The following LPP variants were observed in gnomAD, a reference collection of about 807,000 sequenced individuals.
The protein encoded by LPP is LIM domain containing preferred translocation partner in lipoma.
In LPP, 38 loss-of-function variants were observed where a neutral mutation model predicts 60.4. The ratio of observed to expected loss-of-function variants is 0.63; its 90% CI spans 0.49 to 0.83. LPP has a LOEUF of 0.83. LPP is among the 40% of genes least tolerant of loss of function. LPP has a pLI of 0.00. For synonymous variants in LPP, 328 were observed against 290.8 expected, an observed-to-expected ratio of 1.13 and a Z score of -1.30; for missense variants, 902 against 783.6, an observed-to-expected ratio of 1.15 and a Z score of -1.80.
intron 8 of LPP, among the ~76,000 whole-genome samples, chr3:188,713,397 A>AG (rs1712425976): frequency 6.6e-6 from 1 of 152,144 alleles, no homozygotes; most frequent in African/African-American, 2.4e-5. Context: ...ATGAAAAAAA[A>AG]AAAAGCTGTA....
chr3:188,469,791 A>G (rs2149511835), intron 4 of LPP, among the ~76,000 whole-genome samples: 1 of 152,188 alleles, frequency 6.6e-6, no homozygotes, highest in East Asian at 1.9e-4. Context: ...TAAACACTTA[A>G]CTATATTTTA....
At chr3:188,293,371 T>C (rs530851256) in intron 2 of LPP, among the ~76,000 whole-genome samples, 1 of 152,384 alleles carries the variant, frequency 6.6e-6, no homozygotes, top group South Asian at 2.1e-4. Flanking sequence ...CTATATCATG[T>C]TAGCGAGAGC....
At chr3:188,433,766 G>A (rs1791611132) in intron 4 of LPP, among the ~76,000 whole-genome samples, 1 of 151,660 alleles carries the variant, frequency 6.6e-6, no homozygotes, top group African/African-American at 2.4e-5. Context: ...GAGAGAGAGA[G>A]AAGGAAAAGA....
At chr3:188,436,524 A>C (rs1240226583) in intron 4 of LPP, among the ~76,000 whole-genome samples, 1 of 152,148 alleles carries the variant, frequency 6.6e-6, no homozygotes, top group Non-Finnish European at 1.5e-5. Context: ...AACATTTTCT[A>C]TGTATAAATA....
At chr3:188,759,844 T>C (rs566273053) in intron 8 of LPP, among the ~76,000 whole-genome samples, 12 of 152,316 alleles carry the variant, frequency 7.9e-5, no homozygotes, top group African/African-American at 2.9e-4. Flanking sequence ...GACCGGGTTC[T>C]ACTGTTCCTT....
intron 9 of LPP, among the ~76,000 whole-genome samples, chr3:188,812,455 C>A (rs765658657): frequency 7.2e-5 from 11 of 152,074 alleles, no homozygotes; most frequent in Non-Finnish European, 1.3e-4. Context: ...ATAAAAAGAT[C>A]TAAATGCATA....
intron 9 of LPP, among the ~76,000 whole-genome samples, chr3:188,862,591 C>T (rs752441926): frequency 4.0e-5 from 6 of 151,384 alleles, no homozygotes; most frequent in Non-Finnish European, 7.4e-5. Flanking sequence ...TCCATGGGAC[C>T]ACGATGGAGC....
intron 7 of LPP, among the ~76,000 whole-genome samples, chr3:188,696,477 A>G (rs922747179): frequency 6.6e-6 from 1 of 152,120 alleles, no homozygotes; most frequent in African/African-American, 2.4e-5. Flanking sequence ...TACTCAAAAT[A>G]CAAAAATTAG....
In LPP at chr3:188,455,514, A is replaced by G. The variant is rs373573107; in HGVS notation, c.194-29078A>G. On this transcript the variant is annotated intron_variant, in intron 4 of 11. Transcript: ENST00000617246. ...CTTAATTTCCTTGATTGGCAAAGTA[A>G]TTGATATCATGTGTGACATTTGAGT... is the stretch of plus-strand genomic sequence containing the variant. Among the ~76,000 whole-genome samples the G allele has an allele frequency of 7.9e-5, 12 of 152,318 alleles. No homozygotes were observed. The East Asian group carries it at 1.2e-3, about 15-fold the overall frequency.
At position 188,785,527 on chromosome 3, in the gene LPP, TATTCCATC is replaced by T. The variant is rs1184603831; in HGVS notation, c.1410+25248_1410+25255del. Among the ~76,000 whole-genome samples, 18 of 35,386 alleles carry T rather than the reference TATTCCATC, an allele frequency of 5.1e-4. 4 individuals carry two copies. Among genetic ancestry groups the T allele is most frequent in the East Asian group, 2.4e-3 (2 of 818 alleles). The allele number at this position is 35,386 out of a possible 152,430, so 23.2% of individuals were successfully genotyped here. ...ATTCCATCATATATATATATATATA[TATTCCATC>T]ATATATATATATACACACACACACA... On this transcript the variant is annotated intron_variant, in intron 9 of 11. Transcript: ENST00000617246.
At chr3:188,276,695 T>TTCTCTCTCTCTC (rs768545804) in intron 2 of LPP, among the ~76,000 whole-genome samples, 1 of 16,404 alleles carries the variant, frequency 6.1e-5, no homozygotes, top group South Asian at 1.9e-3. Context: ...CTCTCTCTCT[T>TTCTCTCTCTCTC]TCTCTCTCTC....
At position 188,866,316 on chromosome 3, in the gene LPP, G is replaced by A. The variant is rs2151991818; in HGVS notation, c.1527G>A (p.Leu509=). 2 of 1,586,746 alleles carry A rather than the reference G, an allele frequency of 1.3e-6. No individual in the cohort carries two copies. The highest frequency in any genetic ancestry group is 1.7e-6 in the Non-Finnish European group (2 of 1,165,508). ...CCTGCGTGATGTGCCACCGCAGCCT[G>A]GATGGGATCCCATTCACTGTGGATG... ...CFTCVMCHRS[L]DGIPFTVDAG... The change falls in exon 10 of 12, where the codon CTG becomes CTA. Residue 509 remains leucine (L), a synonymous_variant. Transcript: ENST00000617246.
chr3:188,612,384 C>A (rs188997968), intron 7 of LPP, among the ~76,000 whole-genome samples: 157 of 152,308 alleles, frequency 1.0e-3, no homozygotes, highest in Non-Finnish European at 1.2e-3. Flanking sequence ...TGCACCTGTG[C>A]ACAGAGGACC....
intron 2 of LPP, chr3:188,312,922 G>A (rs1201178559): frequency 6.6e-6 from 1 of 151,934 alleles, no homozygotes; most frequent in African/African-American, 2.4e-5. Context: ...CTCACAGGTG[G>A]GAATTGAACA....
chr3:188,770,881 A>T (rs1735725888), intron 9 of LPP, among the ~76,000 whole-genome samples: 1 of 152,200 alleles, frequency 6.6e-6, no homozygotes, highest in Non-Finnish European at 1.5e-5. Flanking sequence ...AATGAAAACA[A>T]ACAATAAGAG....
At chr3:188,701,506 G>C (rs1864401865) in intron 7 of LPP, among the ~76,000 whole-genome samples, 1 of 152,230 alleles carries the variant, frequency 6.6e-6, no homozygotes, top group Non-Finnish European at 1.5e-5. Context: ...AGGCAGGTCA[G>C]CCTGGCCAGC....
chr3:188,669,450 C>T (rs905337161), intron 7 of LPP, among the ~76,000 whole-genome samples: 8 of 152,038 alleles, frequency 5.3e-5, no homozygotes, highest in Non-Finnish European at 1.2e-4. Context: ...GTGGCGGGCA[C>T]CTGTAGTCCG....
chr3:188,740,059 T>C (rs1023687145), intron 8 of LPP, among the ~76,000 whole-genome samples: 2 of 152,058 alleles, frequency 1.3e-5, no homozygotes, highest in Non-Finnish European at 2.9e-5. Flanking sequence ...ACCAGTAGTG[T>C]TATCCATGTG....
At chr3:188,261,219 G>T (rs1733509238) in intron 2 of LPP, among the ~76,000 whole-genome samples, 1 of 152,104 alleles carries the variant, frequency 6.6e-6, no homozygotes, top group South Asian at 2.1e-4. Flanking sequence ...CACGATTATG[G>T]CTCACTGTAG....
Sources: allele counts gnomAD v4.1 joint callset (sites outside exome capture counted in the v4.1 genomes callset), GRCh38; gene constraint gnomAD v4.1.1; transcripts MANE v1.5; gene names NCBI Gene and HGNC (gene_info 2026-07-23, HGNC 2026-07-21).